SLC22A7: variants seen among roughly 807,000 people sequenced by gnomAD.
SLC22A7 encodes the protein solute carrier family 22 member 7, also known as hOAT2.
SLC22A7 carries 48 observed loss-of-function variants against 62.2 expected under a neutral mutation model. That is an observed-to-expected ratio of 0.77 (90% CI 0.61 to 0.98). The LOEUF is 0.98. Among genes scored for constraint, SLC22A7 ranks in the 50% least tolerant of loss-of-function variants. The probability of loss-of-function intolerance (pLI) is 0.00; values close to 1 mark genes in which losing one functional copy is unlikely to be tolerated. For synonymous variants in SLC22A7, 276 were observed against 314.8 expected, an observed-to-expected ratio of 0.88 and a Z score of 1.30; for missense variants, 581 against 703.8, an observed-to-expected ratio of 0.83 and a Z score of 1.97.
In SLC22A7 at chr6:43,299,565, A is replaced by G; in HGVS notation, c.504-62A>G. 6.2e-7 allele frequency: 1 copy of G among 1,611,174 alleles called. No homozygotes were observed. The highest frequency in any genetic ancestry group is 8.5e-7 in the Non-Finnish European group (1 of 1,177,754). Reference sequence around the variant, plus strand: ...CTCCCACTAGCTGGGGTATGAGCCTAGTCTACCTATGCCTTAGAACCTCCT... The same window carrying G: ...CTCCCACTAGCTGGGGTATGAGCCTGGTCTACCTATGCCTTAGAACCTCCT... On this transcript the variant is annotated intron_variant, in intron 3 of 10. Coordinates refer to ENST00000372585, the MANE Select transcript of SLC22A7 (RefSeq NM_153320.2). The surrounding 1 kb of genome is among the most constrained non-coding windows in gnomAD (Gnocchi z 4.4).
At chr6:43,300,969 A>T (rs1301825656) in intron 5 of SLC22A7, among the ~76,000 whole-genome samples, 166 bp from the exon 6 acceptor site, 1 of 152,184 alleles carries the variant, frequency 6.6e-6, no homozygotes, top group Non-Finnish European at 1.5e-5. Flanking sequence ...GCATTAAAAG[A>T]TGAATAAGAG....
chr6:43,304,820 C>T lies in SLC22A7; in HGVS notation c.*95C>T, dbSNP rs1376984148. 1 of 1,024,726 alleles carries T rather than the reference C, an allele frequency of 9.8e-7. No homozygotes were observed. Among genetic ancestry groups the T allele is most frequent in the Non-Finnish European group, 1.4e-6 (1 of 716,596 alleles). The allele number at this position is 1,024,726 out of a possible 1,614,324, so 63.5% of individuals were successfully genotyped here. A position where few individuals can be genotyped will look rare whatever the true frequency, so the allele number is the denominator to read the frequency against. ...GCAACTCAGGCTGGGAGTATCGAAC[C>T]CTCTGCCTAGGGCCGGAGTTGCTGC... On this transcript the variant is annotated 3_prime_UTR_variant, in exon 11 of 11. Coordinates refer to ENST00000372585, the MANE Select transcript of SLC22A7 (RefSeq NM_153320.2).
chr6:43,298,680 C>A lies in SLC22A7; in HGVS notation c.322C>A (p.Pro108Thr), dbSNP rs778856466. ...GAGCCGTGGGGAGCTGGAGGATGAACCTGCCACAGTGCCCTGCTCTCAGGG... is the reference window on the plus strand; with the variant it reads ...GAGCCGTGGGGAGCTGGAGGATGAAACTGCCACAGTGCCCTGCTCTCAGGG... ...RQSRGELEDE[P>T]ATVPCSQGWE... Residue 108 changes from proline (P) to threonine (T), a missense_variant, in exon 1 of 11, where the codon CCT (proline) becomes ACT (threonine). Pro to Thr is a conservative substitution (Grantham distance 38). Transcript: ENST00000372585. The A allele has an allele frequency of 8.3e-6, 13 of 1,557,904 alleles. No individual in the cohort carries two copies. The Admixed American group carries it at 2.2e-4, about 26-fold the overall frequency.
intron 9 of SLC22A7, among the ~76,000 whole-genome samples, chr6:43,303,548 C>G (rs998833276): frequency 7.4e-4 from 112 of 152,094 alleles, no homozygotes; most frequent in African/African-American, 2.5e-3. Context: ...CACCCCCATC[C>G]CATTCACCCC....
At chr6:43,303,735 C>T (rs1778841207) in intron 9 of SLC22A7, among the ~76,000 whole-genome samples, 1 of 152,232 alleles carries the variant, frequency 6.6e-6, no homozygotes, top group Non-Finnish European at 1.5e-5. Flanking sequence ...GTACAAACTA[C>T]TGACCTTCTT....
rs755429593 is a variant in SLC22A7, at chr6:43,298,433, C to T, written c.75C>T (p.Ala25=). 28 of 1,613,970 alleles carry T rather than the reference C, an allele frequency of 1.7e-5. No individual in the cohort carries two copies. Among genetic ancestry groups the T allele is most frequent in the Non-Finnish European group, 2.3e-5 (27 of 1,180,028 alleles). The change falls in exon 1 of 11, where the codon GCC becomes GCT. Residue 25 remains alanine (A), a synonymous_variant. Transcript: ENST00000372585. ...AACTGCGGAATGTGGCACTGCTGGC[C>T]CTGCCCCGAGTGCTGCTACCACTGC... is the stretch of plus-strand genomic sequence containing the variant. The part of the protein sequence containing the change: ...PFQLRNVALL[A]LPRVLLPLHF...
At chr6:43,300,401 G>A (rs1279030310) in intron 5 of SLC22A7, among the ~76,000 whole-genome samples, 1 of 152,112 alleles carries the variant, frequency 6.6e-6, no homozygotes, top group Non-Finnish European at 1.5e-5. Context: ...TGGGAGGACA[G>A]GCAGGGTGGG....
rs777787044 is a variant in SLC22A7, at chr6:43,299,928, C to T, written c.689C>T (p.Thr230Ile). The T allele has an allele frequency of 3.1e-5, 50 of 1,613,986 alleles. No individual in the cohort carries two copies. The East Asian group carries it at 6.7e-4, about 22-fold the overall frequency. Residue 230 changes from threonine (T) to isoleucine (I), a missense_variant, in exon 5 of 11, where the codon ACC becomes ATC. Coordinates refer to ENST00000372585, the MANE Select transcript of SLC22A7 (RefSeq NM_153320.2). This position sits in a 1 kb window ranked among gnomAD's most constrained non-coding sequence, Gnocchi z 4.4. ...GAGTGGCTGGATGTGGAGCACCGCA[C>T]CGTGGCTGGAGTCCTGAGCAGCACC... ...ELEWLDVEHR[T>I]VAGVLSSTFW... is the part of the protein sequence containing the mutation.
Position 43,300,081 on chromosome 6 carries a change from C to A in SLC22A7, c.827+15C>A. On this transcript the variant is annotated intron_variant, in intron 5 of 10. Transcript: ENST00000372585. ...CTCAGCCTCTGGTGAGGACTGCAGG[C>A]AGCTGGGGAGCGGGAGATACAGGAA... 2 of 1,613,252 alleles carry A rather than the reference C, an allele frequency of 1.2e-6. No homozygotes were observed. The highest frequency in any genetic ancestry group is 1.7e-6 in the Non-Finnish European group (2 of 1,179,636).
At position 43,302,233 on chromosome 6, in the gene SLC22A7, T is replaced by C; in HGVS notation, c.1095T>C (p.Ser365=). 1 of 1,604,332 alleles carries C rather than the reference T, an allele frequency of 6.2e-7. No homozygotes were observed. The highest frequency in any genetic ancestry group is 8.5e-7 in the Non-Finnish European group (1 of 1,173,686). The change falls in exon 8 of 11, where the codon AGT becomes AGC. Residue 365 remains serine (S), a synonymous_variant. Coordinates refer to ENST00000372585, the MANE Select transcript of SLC22A7 (RefSeq NM_153320.2). The surrounding 1 kb of genome is among the most constrained non-coding windows in gnomAD (Gnocchi z 5.0). ...FGVNFSYYGL[S]LDVSGLGLNV... ...TGAACTTCTCCTATTACGGCCTGAG[T>C]CTGGATGTGTCGGGGCTGGGGCTGA...
At position 43,301,277 on chromosome 6, in the gene SLC22A7, G is replaced by A. The variant is rs79784408; in HGVS notation, c.951+19G>A. On this transcript the variant is annotated intron_variant, in intron 6 of 10. Transcript: ENST00000372585. ...CCAGGAGGTGAGGGTGAACGTGTGTGTGAGCATGCATATATGTGTGTGGTG... is the reference window on the plus strand; with the variant it reads ...CCAGGAGGTGAGGGTGAACGTGTGTATGAGCATGCATATATGTGTGTGGTG... 35 of 1,613,904 alleles carry A rather than the reference G, an allele frequency of 2.2e-5. No homozygotes were observed. The African/African-American group carries it at 4.4e-4, about 20-fold the overall frequency.
In SLC22A7 at chr6:43,298,570, G is replaced by A. The variant is rs781251888; in HGVS notation, c.212G>A (p.Arg71Gln). 2.0e-5 allele frequency: 33 copies of A among 1,613,494 alleles called. No homozygotes were observed. The highest frequency in any genetic ancestry group is 2.5e-5 in the Non-Finnish European group (29 of 1,179,864). Residue 71 changes from arginine to glutamine, a missense_variant, in exon 1 of 11, where the codon CGG (arginine) becomes CAG (glutamine). Transcript: ENST00000372585. ...GTGTGGCTGGAGGCCCATCTTCCCCGGGAGCCTGATGGCACGCTCAGCTCC... is the reference window on the plus strand; with the variant it reads ...GTGTGGCTGGAGGCCCATCTTCCCCAGGAGCCTGATGGCACGCTCAGCTCC... ...QDVWLEAHLP[R>Q]EPDGTLSSCL...
chr6:43,304,066 G>C lies in SLC22A7; in HGVS notation c.1414G>C (p.Val472Leu). Residue 472 changes from valine to leucine, a missense_variant, in exon 10 of 11, where the codon GTG becomes CTG. Coordinates refer to ENST00000372585, the MANE Select transcript of SLC22A7 (RefSeq NM_153320.2). ...GACAGGGATGGGGCTGACTGCACTGGTGGGCCGGCTGGGGGGCTCTTTGGC... is the reference window on the plus strand; with the variant it reads ...GACAGGGATGGGGCTGACTGCACTGCTGGGCCGGCTGGGGGGCTCTTTGGC... ...RQTGMGLTAL[V>L]GRLGGSLAPL... 6.3e-7 allele frequency: 1 copy of C among 1,588,430 alleles called. No homozygotes were observed.
In SLC22A7 at chr6:43,304,145, A is replaced by G. The variant is rs1459789203; in HGVS notation, c.1493A>G (p.Tyr498Cys). ...GVWLSLPKLT[Y>C]GGIALLAAGT... ...TGGCTGTCACTGCCCAAGCTTACTT[A>G]TGGGGGGATCGCCCTGCTGGCTGCC... The change falls in exon 10 of 11, where the codon TAT becomes TGT. Residue 498 changes from tyrosine (Y) to cysteine (C), a missense_variant. Coordinates refer to ENST00000372585, the MANE Select transcript of SLC22A7 (RefSeq NM_153320.2). The G allele has an allele frequency of 1.9e-6, 3 of 1,606,364 alleles. No individual in the cohort carries two copies. The highest frequency in any genetic ancestry group is 2.6e-6 in the Non-Finnish European group (3 of 1,175,232).
In SLC22A7 at chr6:43,304,106, T is replaced by G. The variant is rs372399638; in HGVS notation, c.1454T>G (p.Leu485Trp). The G allele has an allele frequency of 1.2e-6, 2 of 1,603,188 alleles. No individual in the cohort carries two copies. Among genetic ancestry groups the G allele is most frequent in the African/African-American group, 1.3e-5 (1 of 74,694 alleles). Reference protein sequence around the residue: ...LGGSLAPLAALLDGVWLSLPK... With the variant: ...LGGSLAPLAAWLDGVWLSLPK... The stretch of plus-strand genomic sequence containing the variant: ...GGCTCTTTGGCCCCACTGGCGGCCT[T>G]GCTGGATGGAGTGTGGCTGTCACTG... Residue 485 changes from leucine to tryptophan, a missense_variant, in exon 10 of 11, where the codon TTG (leucine) becomes TGG (tryptophan). Coordinates refer to ENST00000372585, the MANE Select transcript of SLC22A7 (RefSeq NM_153320.2).
At position 43,299,112 on chromosome 6, in the gene SLC22A7, A is replaced by G. The variant is rs1311897084; in HGVS notation, c.399+15A>G. Reference sequence around the variant, plus strand: ...TCCAGTCCCAGGTCGGTATTTACATAATCCATCTGGAGGTGGAATGTCGGT... The same window carrying G: ...TCCAGTCCCAGGTCGGTATTTACATGATCCATCTGGAGGTGGAATGTCGGT... On this transcript the variant is annotated intron_variant, in intron 2 of 10. Coordinates refer to ENST00000372585, the MANE Select transcript of SLC22A7 (RefSeq NM_153320.2). This position sits in a 1 kb window ranked among gnomAD's most constrained non-coding sequence, Gnocchi z 4.4. The G allele has an allele frequency of 6.2e-7, 1 of 1,613,434 alleles. No individual in the cohort carries two copies.
chr6:43,297,822 T>C (rs1389975552), upstream of SLC22A7, among the ~76,000 whole-genome samples: 4 of 152,214 alleles, frequency 2.6e-5, no homozygotes, highest in African/African-American at 4.8e-5. Context: ...GGAGGCCTCA[T>C]GGCTCAGCAG....
rs553810331 is a variant in SLC22A7, at chr6:43,304,739, C to T, written c.*14C>T. ...GTCCAGAACTAAGTGGGAGTGGAGGCAGGCCCTCCACAGAAGCTCTGCAGC... is the reference window on the plus strand; with the variant it reads ...GTCCAGAACTAAGTGGGAGTGGAGGTAGGCCCTCCACAGAAGCTCTGCAGC... On this transcript the variant is annotated 3_prime_UTR_variant, in exon 11 of 11. Coordinates refer to ENST00000372585, the MANE Select transcript of SLC22A7 (RefSeq NM_153320.2). 13 of 1,551,654 alleles carry T rather than the reference C, an allele frequency of 8.4e-6. No homozygotes were observed. The highest frequency in any genetic ancestry group is 8.3e-5 in the South Asian group (7 of 84,770).
rs1283611987 is a variant in SLC22A7 at position 43,300,085 on chromosome 6, T to C, written c.827+19T>C. On this transcript the variant is annotated intron_variant, in intron 5 of 10. Transcript: ENST00000372585. Reference sequence around the variant, plus strand: ...GCCTCTGGTGAGGACTGCAGGCAGCTGGGGAGCGGGAGATACAGGAAGTGA... The same window carrying C: ...GCCTCTGGTGAGGACTGCAGGCAGCCGGGGAGCGGGAGATACAGGAAGTGA... 6.2e-7 allele frequency: 1 copy of C among 1,612,950 alleles called. No individual in the cohort carries two copies. Among genetic ancestry groups the C allele is most frequent in the Admixed American group, 1.7e-5 (1 of 59,962 alleles).
Sources: allele counts gnomAD v4.1 joint callset (sites outside exome capture counted in the v4.1 genomes callset), GRCh38; gene constraint gnomAD v4.1.1; non-coding constraint Gnocchi (gnomAD v3.1); transcripts MANE v1.5; gene names NCBI Gene and HGNC (gene_info 2026-07-23, HGNC 2026-07-21).